SPAG1: variants seen among roughly 807,000 people sequenced by gnomAD.
SPAG1 encodes the protein sperm-associated antigen 1.
SPAG1 carries 69 observed loss-of-function variants against 100.5 expected under a neutral mutation model. The observed-to-expected ratio is 0.69, with a 90% confidence interval of 0.57 to 0.84. SPAG1 has a LOEUF of 0.84. Among genes scored for constraint, SPAG1 ranks in the 40% least tolerant of loss-of-function variants. SPAG1 has a pLI of 0.00. For missense variants in SPAG1, 955 were observed against 1,133.1 expected, an observed-to-expected ratio of 0.84 and a Z score of 2.26; for synonymous variants, 336 against 411.6, an observed-to-expected ratio of 0.82 and a Z score of 2.22.
At chr8:100,199,951 T>A (rs1374826665) in intron 10 of SPAG1, among the ~76,000 whole-genome samples, 1 of 145,180 alleles carries the variant, frequency 6.9e-6, no homozygotes, top group African/African-American at 2.7e-5. Context: ...TCATTTTGAC[T>A]TTTTTTTTTA....
chr8:100,194,324 C>G (rs774156654), intron 10 of SPAG1, 56 bp downstream of exon 10: 8 of 1,569,148 alleles, frequency 5.1e-6, no homozygotes, highest in Non-Finnish European at 6.9e-6. Context: ...ATATGATGAG[C>G]TGGCTCAATT....
Position 100,241,167 on chromosome 8 carries a change from T to C in SPAG1, c.*145T>C. On this transcript the variant is annotated 3_prime_UTR_variant, in exon 19 of 19. Coordinates refer to ENST00000388798, the MANE Select transcript of SPAG1 (RefSeq NM_003114.5). This position sits in a 1 kb window ranked among gnomAD's most constrained non-coding sequence, Gnocchi z 5.1. ...AAAACATTTTACTTATTTTCCTACA[T>C]AGAACATGTATATTCTACAATCTGC... The C allele has an allele frequency of 1.6e-6, 1 of 618,732 alleles. No homozygotes were observed. The highest frequency in any genetic ancestry group is 2.6e-6 in the Non-Finnish European group (1 of 380,432). 38.3% of individuals were successfully genotyped at this position (618,732 alleles called of 1,614,324 possible). A position where few individuals can be genotyped will look rare whatever the true frequency, so the allele number is the denominator to read the frequency against.
At chr8:100,185,985 T>C (rs1430833436) in intron 7 of SPAG1, among the ~76,000 whole-genome samples, 2 of 151,976 alleles carry the variant, frequency 1.3e-5, no homozygotes, top group Admixed American at 1.3e-4. Flanking sequence ...AGGAGTCATA[T>C]AGTTGAAGAA....
At chr8:100,221,976 A>T (rs1818302538) in intron 13 of SPAG1, among the ~76,000 whole-genome samples, 1 of 152,174 alleles carries the variant, frequency 6.6e-6, no homozygotes, top group Admixed American at 6.5e-5. Flanking sequence ...ATACATCCAT[A>T]ATCTGTGATG....
At chr8:100,212,216 C>T (rs1264376486) in intron 10 of SPAG1, among the ~76,000 whole-genome samples, 2 of 151,966 alleles carry the variant, frequency 1.3e-5, no homozygotes, top group South Asian at 2.1e-4. Context: ...TTTTCTATTC[C>T]CTCTGTCTCT....
chr8:100,236,266 C>G (rs1819001779), intron 16 of SPAG1, among the ~76,000 whole-genome samples: 1 of 152,090 alleles, frequency 6.6e-6, no homozygotes, highest in African/African-American at 2.4e-5. Flanking sequence ...GATTTGTTGT[C>G]CAGTAATTTG....
At position 100,181,610 on chromosome 8, in the gene SPAG1, C is replaced by T. The variant is rs1010830692; in HGVS notation, c.427-1765C>T. ...CCTCCAAAACCTGTAAGGGAAGATCCTTCCTTGGCTCTTCCAGCTTTTGGA... is the reference window on the plus strand; with the variant it reads ...CCTCCAAAACCTGTAAGGGAAGATCTTTCCTTGGCTCTTCCAGCTTTTGGA... On this transcript the variant is annotated intron_variant, in intron 4 of 18. Coordinates refer to ENST00000388798, the MANE Select transcript of SPAG1 (RefSeq NM_003114.5). Among the ~76,000 whole-genome samples the T allele has an allele frequency of 2.0e-5, 3 of 152,172 alleles. No individual in the cohort carries two copies. The South Asian group carries it at 6.2e-4, about 31-fold the overall frequency.
intron 7 of SPAG1, chr8:100,184,993 T>C (rs1816526838): frequency 5.8e-6 from 2 of 343,298 alleles, no homozygotes; most frequent in South Asian, 6.2e-5. Flanking sequence ...CTGACAGGAA[T>C]TCAACAGAAG....
rs78432471 is a variant in SPAG1 at position 100,199,960 on chromosome 8, T to A, written c.1096+5692T>A. On this transcript the variant is annotated intron_variant, in intron 10 of 18. Transcript: ENST00000388798. ...AGCAACTCATTTTGACTTTTTTTTT[T>A]ATTATACTTTAAGTTCTAGGGTATA... Among the ~76,000 whole-genome samples, 356 of 152,154 alleles carry A rather than the reference T, an allele frequency of 2.3e-3. 3 individuals carry two copies. Among genetic ancestry groups the A allele is most frequent in the African/African-American group, 7.7e-3 (321 of 41,468 alleles).
chr8:100,175,683 C>T (rs185016263), intron 3 of SPAG1, among the ~76,000 whole-genome samples: 19 of 152,234 alleles, frequency 1.2e-4, no homozygotes, highest in African/African-American at 3.9e-4. Context: ...TTGACCCCTT[C>T]GGTCTTGAAC....
intron 17 of SPAG1, 103 bp from the exon 18 acceptor site, chr8:100,240,300 C>T: frequency 1.8e-6 from 2 of 1,118,088 alleles, no homozygotes; most frequent in Non-Finnish European, 2.5e-6. Context: ...GACTACAGTA[C>T]AGTCTACTTG....
intron 9 of SPAG1, among the ~76,000 whole-genome samples, chr8:100,191,704 C>A (rs764692283): frequency 5.9e-5 from 9 of 152,118 alleles, no homozygotes; most frequent in Non-Finnish European, 1.2e-4. Context: ...AAACTATAAA[C>A]CTTCCTCTGA....
In SPAG1 at chr8:100,212,338, A is replaced by G. The variant is rs187284985; in HGVS notation, c.1097-752A>G. Among the ~76,000 whole-genome samples, 600 of 152,394 alleles carry G rather than the reference A, an allele frequency of 3.9e-3. 1 individual carries two copies. Among genetic ancestry groups the G allele is most frequent in the Non-Finnish European group, 6.5e-3 (444 of 68,040 alleles). The stretch of plus-strand genomic sequence containing the variant: ...AGCTTGGAAATCTCTATATTTAAGT[A>G]CTTTTTAACGGTGCTGTGAAATGAT... On this transcript the variant is annotated intron_variant, in intron 10 of 18. Transcript: ENST00000388798.
chr8:100,169,235 A>C (rs1160139906), intron 3 of SPAG1, among the ~76,000 whole-genome samples: 2 of 152,072 alleles, frequency 1.3e-5, no homozygotes, highest in Non-Finnish European at 2.9e-5. Context: ...ATTATCTTTA[A>C]ATTTCTTGGT....
intron 3 of SPAG1, among the ~76,000 whole-genome samples, chr8:100,168,158 C>A (rs1315523371): frequency 6.6e-6 from 1 of 152,150 alleles, no homozygotes; most frequent in Admixed American, 6.5e-5. Context: ...GTGGCTGTAC[C>A]ATTGTGCAAT....
chr8:100,240,915 G>T lies in SPAG1; in HGVS notation c.2674G>T (p.Gly892Cys). Residue 892 changes from glycine (G) to cysteine (C), a missense_variant, in exon 19 of 19, where the codon GGC (glycine) becomes TGC (cysteine). Physicochemically the swap from Gly to Cys is radical, Grantham distance 159. Coordinates refer to ENST00000388798, the MANE Select transcript of SPAG1 (RefSeq NM_003114.5). ...FKMMLTLISK[G>C]QKELIEQLFE... ...GATGATGTTGACACTAATTAGCAAG[G>T]GCCAAAAGGAGCTAATTGAACAGCT... 1 of 1,610,068 alleles carries T rather than the reference G, an allele frequency of 6.2e-7. No homozygotes were observed. Among genetic ancestry groups the T allele is most frequent in the Non-Finnish European group, 8.5e-7 (1 of 1,178,712 alleles).
At chr8:100,181,004 T>G (rs1170371043) in intron 4 of SPAG1, among the ~76,000 whole-genome samples, 5 of 152,230 alleles carry the variant, frequency 3.3e-5, no homozygotes, top group Non-Finnish European at 7.3e-5. Flanking sequence ...CTGAAAAGTT[T>G]GAGCCCCACT....
chr8:100,183,674 T>C (rs1816464521), intron 5 of SPAG1, among the ~76,000 whole-genome samples: 1 of 152,152 alleles, frequency 6.6e-6, no homozygotes, highest in Non-Finnish European at 1.5e-5. Flanking sequence ...GTATTTTTTA[T>C]ACCCATCCAA....
At chr8:100,212,765 A>T (rs944359887) in intron 10 of SPAG1, among the ~76,000 whole-genome samples, 1 of 152,260 alleles carries the variant, frequency 6.6e-6, no homozygotes, top group Non-Finnish European at 1.5e-5. Context: ...TCACCTGGAC[A>T]GGTGGACTTG....
Sources: allele counts gnomAD v4.1 joint callset (sites outside exome capture counted in the v4.1 genomes callset), GRCh38; gene constraint gnomAD v4.1.1; non-coding constraint Gnocchi (gnomAD v3.1); transcripts MANE v1.5; gene names NCBI Gene and HGNC (gene_info 2026-07-23, HGNC 2026-07-21).